Variants in UBE3B observed in about 807,000 individuals in gnomAD.
UBE3B encodes the protein ubiquitin protein ligase E3B, also known as ubiquitin-protein ligase E3B.
UBE3B carries 80 observed loss-of-function variants against 132.3 expected under a neutral mutation model. The ratio of observed to expected loss-of-function variants is 0.60; its 90% CI spans 0.50 to 0.73. The LOEUF is 0.73. UBE3B is among the 30% of genes least tolerant of loss of function. The pLI, the probability that UBE3B is intolerant of heterozygous loss-of-function variation, is 0.00. For synonymous variants in UBE3B, 487 were observed against 520.4 expected, an observed-to-expected ratio of 0.94 and a Z score of 0.87; for missense variants, 1,196 against 1,362.5, an observed-to-expected ratio of 0.88 and a Z score of 1.92.
chr12:109,525,678 T>C (rs1256197719), intron 23 of UBE3B, among the ~76,000 whole-genome samples: 1 of 152,238 alleles, frequency 6.6e-6, no homozygotes, highest in Non-Finnish European at 1.5e-5. Context: ...AAAATAAATC[T>C]ATAATCAGAT....
intron 18 of UBE3B, among the ~76,000 whole-genome samples, chr12:109,514,504 G>A (rs1228553695): frequency 6.6e-6 from 1 of 152,166 alleles, no homozygotes; most frequent in Non-Finnish European, 1.5e-5. Context: ...TTCTGTTTCT[G>A]TGTCTTCTGC....
intron 15 of UBE3B, chr12:109,508,486 A>C (rs751348475): frequency 4.8e-4 from 476 of 983,356 alleles, no homozygotes; most frequent in Non-Finnish European, 5.5e-4. Flanking sequence ...AAGCTTATGC[A>C]TCTTGTGTGT....
intron 14 of UBE3B, among the ~76,000 whole-genome samples, chr12:109,506,217 A>G (rs1335665618): frequency 4.6e-5 from 7 of 152,250 alleles, no homozygotes; most frequent in African/African-American, 1.7e-4. Context: ...AAGCTTTGCC[A>G]AAGGTGGCGA....
intron 16 of UBE3B, among the ~76,000 whole-genome samples, 177 bp downstream of exon 16, chr12:109,509,891 G>T (rs1019378950): frequency 6.6e-6 from 1 of 152,196 alleles, no homozygotes; most frequent in African/African-American, 2.4e-5. Flanking sequence ...TAAGATAGTG[G>T]TGTGGTTATA....
At position 109,521,963 on chromosome 12, in the gene UBE3B, T is replaced by C. The variant is rs746006243; in HGVS notation, c.2364+412T>C. Among the ~76,000 whole-genome samples, 52 of 152,278 alleles carry C rather than the reference T, an allele frequency of 3.4e-4. No homozygotes were observed. Among genetic ancestry groups the C allele is most frequent in the Non-Finnish European group, 5.4e-4 (37 of 68,028 alleles). On this transcript the variant is annotated intron_variant, in intron 21 of 27. Transcript: ENST00000342494. This position sits in a 1 kb window ranked among gnomAD's most constrained non-coding sequence, Gnocchi z 4.2. ...GGCCACACGGAGGCTGGGTCCCCGT[T>C]GTAGGAGGGCAGCATTTTGTGGAGT...
chr12:109,533,295 C>A (rs7966629), intron 26 of UBE3B, among the ~76,000 whole-genome samples, 171 bp from the exon 27 acceptor site: 2 of 151,838 alleles, frequency 1.3e-5, no homozygotes, highest in Non-Finnish European at 2.9e-5. Flanking sequence ...GAGAGATGTA[C>A]GGCGTGTGCC....
chr12:109,537,076 A>G (rs1883479806), downstream of UBE3B, among the ~76,000 whole-genome samples: 1 of 152,058 alleles, frequency 6.6e-6, no homozygotes, highest in Non-Finnish European at 1.5e-5. Context: ...TCGCGAACTC[A>G]GGGGCTCAAG....
rs1881695613 is a variant in UBE3B, at chr12:109,521,412, CT to C, written c.2254-28del. The stretch of plus-strand genomic sequence containing the variant: ...TTGCTCCTTGCAAGGCACTTGACCT[CT>C]GCCTCTCCCCGTCTTTTTGCCTTGC... On this transcript the variant is annotated intron_variant, in intron 20 of 27. Coordinates refer to ENST00000342494, the MANE Select transcript of UBE3B (RefSeq NM_130466.4). The surrounding 1 kb of genome is among the most constrained non-coding windows in gnomAD (Gnocchi z 4.2). The C allele has an allele frequency of 6.3e-7, 1 of 1,584,228 alleles. No homozygotes were observed. Among genetic ancestry groups the C allele is most frequent in the East Asian group, 2.3e-5 (1 of 44,302 alleles).
At chr12:109,518,767 C>T (rs563471115) in intron 19 of UBE3B, among the ~76,000 whole-genome samples, 1 of 152,336 alleles carries the variant, frequency 6.6e-6, no homozygotes, top group South Asian at 2.1e-4. Context: ...AAAGCATATC[C>T]CTCAGGGATG....
chr12:109,505,093 G>T (rs1050975738), intron 14 of UBE3B, among the ~76,000 whole-genome samples: 1 of 152,096 alleles, frequency 6.6e-6, no homozygotes, highest in African/African-American at 2.4e-5. Flanking sequence ...CCAAGTGAGA[G>T]AATCCAAATA....
At chr12:109,493,429 A>G (rs1443290037) in intron 9 of UBE3B, among the ~76,000 whole-genome samples, 1 of 152,184 alleles carries the variant, frequency 6.6e-6, no homozygotes, top group Non-Finnish European at 1.5e-5. Context: ...TAATTCACAT[A>G]TGATTCACCA....
intron 19 of UBE3B, among the ~76,000 whole-genome samples, chr12:109,518,878 G>C (rs1028597512): frequency 1.3e-5 from 2 of 152,136 alleles, no homozygotes; most frequent in Non-Finnish European, 2.9e-5. Flanking sequence ...CCCAGTTGTC[G>C]TAATCTGGTG....
intron 6 of UBE3B, among the ~76,000 whole-genome samples, chr12:109,487,099 A>C (rs1876631853): frequency 6.6e-6 from 1 of 151,892 alleles, no homozygotes; most frequent in African/African-American, 2.4e-5. Context: ...AGCAGTTTTG[A>C]CTTTATATTC....
At chr12:109,479,837 G>C (rs996321010) in intron 1 of UBE3B, among the ~76,000 whole-genome samples, 5 of 152,220 alleles carry the variant, frequency 3.3e-5, no homozygotes, top group Admixed American at 6.5e-5. Flanking sequence ...TCGTCTTACA[G>C]TGCTTAGGTA....
Position 109,526,391 on chromosome 12 carries a change from A to T in UBE3B, c.2602A>T (p.Thr868Ser). Residue 868 changes from threonine (T) to serine (S), a missense_variant, in exon 24 of 28, where the codon ACC becomes TCC. Coordinates refer to ENST00000342494, the MANE Select transcript of UBE3B (RefSeq NM_130466.4). ...CCATGAACTGATTCCTGGAGGGAAGACCATTCCTGTTACAAATGAAAATAA... is the reference window on the plus strand; with the variant it reads ...CCATGAACTGATTCCTGGAGGGAAGTCCATTCCTGTTACAAATGAAAATAA... ...VCHELIPGGK[T>S]IPVTNENKIS... 1 of 1,614,202 alleles carries T rather than the reference A, an allele frequency of 6.2e-7. No individual in the cohort carries two copies. Among genetic ancestry groups the T allele is most frequent in the Non-Finnish European group, 8.5e-7 (1 of 1,180,046 alleles).
At chr12:109,546,827 A>T in the UBE3B span, among the ~76,000 whole-genome samples, 1 of 152,032 alleles carries the variant, frequency 6.6e-6, no homozygotes, top group South Asian at 2.1e-4. Flanking sequence ...CTCCCACCTC[A>T]GCCTCCCGAG....
chr12:109,546,428 C>T, the UBE3B span, among the ~76,000 whole-genome samples: 1 of 152,160 alleles, frequency 6.6e-6, no homozygotes, highest in East Asian at 1.9e-4. Flanking sequence ...GGGCTGGAAG[C>T]CCAGGCCACA....
intron 9 of UBE3B, among the ~76,000 whole-genome samples, chr12:109,495,491 A>T (rs1878060780): frequency 6.6e-6 from 1 of 152,230 alleles, no homozygotes; most frequent in Non-Finnish European, 1.5e-5. Context: ...TGCTGAGACC[A>T]GCTTGGTCGG....
Position 109,535,626 on chromosome 12 carries a change from A to G in UBE3B, c.*844A>G, listed in dbSNP as rs1883365921. 1 of 152,100 alleles carries G rather than the reference A, an allele frequency of 6.6e-6. No homozygotes were observed. Among genetic ancestry groups the G allele is most frequent in the Non-Finnish European group, 1.5e-5 (1 of 68,038 alleles). 9.4% of individuals were successfully genotyped at this position (152,100 alleles called of 1,614,324 possible). A position where few individuals can be genotyped will look rare whatever the true frequency, so the allele number is the denominator to read the frequency against. ...AGGACGGCTGCCTTTGACCCTGCTT[A>G]TTTGTCTCACTGGTTATCTAATGAG... On this transcript the variant is annotated 3_prime_UTR_variant, in exon 28 of 28. Transcript: ENST00000342494.
Sources: gnomAD v4.1 joint callset for allele counts (sites outside exome capture counted in the v4.1 genomes callset) on GRCh38, gnomAD v4.1.1 for gene constraint, Gnocchi (gnomAD v3.1) non-coding constraint, MANE v1.5 for transcripts, NCBI Gene and HGNC (gene_info 2026-07-23, HGNC 2026-07-21) for gene names.